The following SLC11A2 variants were observed in gnomAD, a reference collection of about 807,000 sequenced individuals.
SLC11A2 encodes the protein solute carrier family 11 member 2, also known as natural resistance-associated macrophage protein 2.
A neutral mutation model predicts 68.0 loss-of-function variants in SLC11A2; 38 were observed. That is an observed-to-expected ratio of 0.56 (90% CI 0.43 to 0.73). The LOEUF (loss-of-function observed/expected upper bound fraction) is 0.73, where lower values mean the gene tolerates loss of function less well. Among genes scored for constraint, SLC11A2 ranks in the 30% least tolerant of loss-of-function variants. The probability of loss-of-function intolerance (pLI) is 0.00; values close to 1 mark genes in which losing one functional copy is unlikely to be tolerated. For missense variants in SLC11A2, 517 were observed against 690.5 expected (o/e 0.75, Z 2.82); for synonymous variants, 242 against 250.6 (o/e 0.97, Z 0.32).
At chr12:50,965,689 G>C in the SLC11A2 span, among the ~76,000 whole-genome samples, 2 of 152,088 alleles carry the variant, frequency 1.3e-5, no homozygotes, top group Non-Finnish European at 2.9e-5. Context: ...ACCAAAGTAT[G>C]GATTAGTGTC....
rs17222463 is a variant in SLC11A2 at position 50,999,450 on chromosome 12, C to T, written c.537-35G>A. 1,065 of 1,530,862 alleles carry T rather than the reference C, an allele frequency of 7.0e-4. 5 individuals carry two copies. The highest frequency in any genetic ancestry group is 6.1e-3 in the Middle Eastern group (36 of 5,930). 94.8% of individuals were successfully genotyped at this position (1,530,862 alleles called of 1,614,324 possible). On this transcript the variant is annotated intron_variant, in intron 6 of 15. Coordinates refer to ENST00000262052, the MANE Select transcript of SLC11A2 (RefSeq NM_000617.3). ...AGATGAGATATGGAAGTCAGAGAGA[C>T]GGAAAGAAAGGAAACATTGAAAAAC...
At chr12:51,024,041 A>G (rs757626345) in intron 1 of SLC11A2, among the ~76,000 whole-genome samples, 5 of 152,138 alleles carry the variant, frequency 3.3e-5, no homozygotes, top group Non-Finnish European at 7.4e-5. Context: ...AAACTAAACA[A>G]CTAAACTTAT....
chr12:50,954,301 T>A, the SLC11A2 span: 1 of 444,652 alleles, frequency 2.2e-6, no homozygotes, highest in Non-Finnish European at 4.0e-6. Flanking sequence ...GGCATCAAAT[T>A]TTATTCTATT....
chr12:50,954,234 T>C, the SLC11A2 span: 207 of 549,688 alleles, frequency 3.8e-4, 2 homozygotes, highest in African/African-American at 3.5e-3. Flanking sequence ...TGTGTTGAAC[T>C]TTCAGAATAG....
intron 15 of SLC11A2, 87 bp downstream of exon 15, chr12:50,990,708 C>G: frequency 7.1e-7 from 1 of 1,409,158 alleles, no homozygotes; most frequent in Non-Finnish European, 9.9e-7. Flanking sequence ...CTGTGCCCAG[C>G]CTGGGTCTGT....
the SLC11A2 span, among the ~76,000 whole-genome samples, chr12:50,954,534 C>T: frequency 1.3e-5 from 2 of 152,136 alleles, no homozygotes; most frequent in Non-Finnish European, 2.9e-5. Flanking sequence ...ATAGATTTTT[C>T]TGTTTCTATC....
In SLC11A2 at chr12:51,002,344, T is replaced by C. The variant is rs574128233; in HGVS notation, c.430-1925A>G. Among the ~76,000 whole-genome samples the C allele has an allele frequency of 2.0e-4, 30 of 151,752 alleles. 1 individual carries two copies. The highest frequency in any genetic ancestry group is 3.4e-3 in the Middle Eastern group (1 of 292). On this transcript the variant is annotated intron_variant, in intron 5 of 15. Coordinates refer to ENST00000262052, the MANE Select transcript of SLC11A2 (RefSeq NM_000617.3). ...GTCTGGGTAATAGAGCAAGATCCTATCTCAAAAAAACAGGCCAGGCACAGT... is the reference window on the plus strand; with the variant it reads ...GTCTGGGTAATAGAGCAAGATCCTACCTCAAAAAAACAGGCCAGGCACAGT...
downstream of SLC11A2, among the ~76,000 whole-genome samples, chr12:50,976,980 T>C (rs12314788): frequency 8.5e-3 from 1,294 of 152,098 alleles, 20 homozygotes; most frequent in African/African-American, 0.029. Flanking sequence ...AAACCACTGC[T>C]CAATGAAATA....
At chr12:50,963,824 A>C in the SLC11A2 span, among the ~76,000 whole-genome samples, 1 of 152,220 alleles carries the variant, frequency 6.6e-6, no homozygotes, top group Non-Finnish European at 1.5e-5. Context: ...ATGCAGTTAC[A>C]GGCTACTTCA....
the SLC11A2 span, among the ~76,000 whole-genome samples, chr12:50,969,398 T>C: frequency 9.9e-5 from 15 of 152,204 alleles, no homozygotes; most frequent in Middle Eastern, 3.4e-3. Context: ...ACCTGTGCCA[T>C]GTAGAAATCT....
chr12:50,999,627 T>C (rs1942028282), intron 6 of SLC11A2: 1 of 585,124 alleles, frequency 1.7e-6, no homozygotes. Flanking sequence ...GTCTACTATG[T>C]CACTCTTAGG....
intron 5 of SLC11A2, among the ~76,000 whole-genome samples, chr12:51,002,018 A>G (rs1206708737): frequency 6.6e-6 from 1 of 152,164 alleles, no homozygotes; most frequent in East Asian, 1.9e-4. Flanking sequence ...GACTCACTGA[A>G]GCCAGAAAAA....
downstream of SLC11A2, among the ~76,000 whole-genome samples, chr12:50,982,890 G>C (rs1336730037): frequency 6.8e-6 from 1 of 147,906 alleles, no homozygotes; most frequent in East Asian, 2.0e-4. Flanking sequence ...GCAGTGAGCT[G>C]AGATCATGCC....
In SLC11A2 at chr12:51,026,292, A is replaced by G. The variant is rs1027026990; in HGVS notation, c.-39+18T>C. 8.1e-7 allele frequency: 1 copy of G among 1,240,348 alleles called. No homozygotes were observed. Among genetic ancestry groups the G allele is most frequent in the African/African-American group, 1.6e-5 (1 of 63,912 alleles). 76.8% of individuals were successfully genotyped at this position (1,240,348 alleles called of 1,614,324 possible). A position where few individuals can be genotyped will look rare whatever the true frequency, so the allele number is the denominator to read the frequency against. On this transcript the variant is annotated intron_variant, in intron 1 of 15. Coordinates refer to ENST00000262052, the MANE Select transcript of SLC11A2 (RefSeq NM_000617.3). Reference sequence around the variant, plus strand: ...AGCGAGCGGAATGCCGTGACCCCTGACCTTGCCTTCCCCTCACCTTACCAG... The same window carrying G: ...AGCGAGCGGAATGCCGTGACCCCTGGCCTTGCCTTCCCCTCACCTTACCAG...
At chr12:51,013,723 A>G (rs1566030018) in intron 1 of SLC11A2, among the ~76,000 whole-genome samples, 1 of 152,010 alleles carries the variant, frequency 6.6e-6, no homozygotes, top group Non-Finnish European at 1.5e-5. Context: ...TGGGTGACAC[A>G]GCGAGGCCTT....
chr12:51,000,436 A>G lies in SLC11A2; in HGVS notation c.430-17T>C, dbSNP rs774294155. The G allele has an allele frequency of 3.2e-6, 5 of 1,563,464 alleles. No homozygotes were observed. In the East Asian group the frequency reaches 1.1e-4, roughly 35 times the overall value. ...TCGTGGGACCTAAACATCAAACAGTAGAAAGACACGGTTCTGATTAATCAT... is the reference window on the plus strand; with the variant it reads ...TCGTGGGACCTAAACATCAAACAGTGGAAAGACACGGTTCTGATTAATCAT... On this transcript the variant is annotated splice_polypyrimidine_tract_variant and intron_variant, in intron 5 of 15. Coordinates refer to ENST00000262052, the MANE Select transcript of SLC11A2 (RefSeq NM_000617.3).
chr12:51,014,595 TA>T (rs1943481432), intron 1 of SLC11A2, among the ~76,000 whole-genome samples: 1 of 152,230 alleles, frequency 6.6e-6, no homozygotes, highest in Non-Finnish European at 1.5e-5. Flanking sequence ...CTCACGTCTC[TA>T]ATCCCACCAC....
chr12:50,976,517 C>T (rs1939851227), downstream of SLC11A2, among the ~76,000 whole-genome samples: 1 of 152,150 alleles, frequency 6.6e-6, no homozygotes, highest in Non-Finnish European at 1.5e-5. Flanking sequence ...CTATTTATGA[C>T]AAACCCACAG....
At chr12:51,026,874 T>A (rs560856544), upstream of SLC11A2, among the ~76,000 whole-genome samples, 833 of 151,806 alleles carry the variant, frequency 5.5e-3, 10 homozygotes, top group African/African-American at 0.019. Flanking sequence ...CTACAAAAAA[T>A]TTTAAAATTA....
Sources: gnomAD v4.1 joint callset for allele counts (sites outside exome capture counted in the v4.1 genomes callset) on GRCh38, gnomAD v4.1.1 for gene constraint, MANE v1.5 for transcripts, NCBI Gene and HGNC (gene_info 2026-07-23, HGNC 2026-07-21) for gene names.